RGS22: variants seen among roughly 807,000 people sequenced by gnomAD.
RGS22 encodes the protein regulator of G protein signaling 22.
RGS22 carries 148 observed loss-of-function variants against 172.9 expected under a neutral mutation model. The observed-to-expected ratio is 0.86, with a 90% CI of 0.75 to 0.98. The LOEUF (loss-of-function observed/expected upper bound fraction) is 0.98. Among genes scored for constraint, RGS22 ranks in the 50% least tolerant of loss-of-function variants. The pLI is 0.00. For missense variants in RGS22, 1,347 were observed against 1,440.8 expected (o/e 0.93, Z 1.05); for synonymous variants, 458 against 480.2 (o/e 0.95, Z 0.60).
At chr8:99,993,702 A>G (rs1814017662) in intron 20 of RGS22, among the ~76,000 whole-genome samples, 1 of 152,248 alleles carries the variant, frequency 6.6e-6, no homozygotes, top group Admixed American at 6.5e-5. Flanking sequence ...AGGAGTTGGT[A>G]CCATTCCTTC....
At chr8:100,049,935 G>C (rs1019241064) in intron 10 of RGS22, among the ~76,000 whole-genome samples, 2 of 151,864 alleles carry the variant, frequency 1.3e-5, no homozygotes, top group African/African-American at 4.8e-5. Context: ...TGTAGTACCA[G>C]CTACTTGGGA....
chr8:100,077,599 A>G (rs1563707108), intron 4 of RGS22, among the ~76,000 whole-genome samples: 1 of 152,202 alleles, frequency 6.6e-6, no homozygotes, highest in Non-Finnish European at 1.5e-5. Flanking sequence ...CAAGATTTCA[A>G]ATCTTTTAAG....
chr8:100,051,515 ATATTTT>A, intron 10 of RGS22, among the ~76,000 whole-genome samples: 1 of 97,376 alleles, frequency 1.0e-5, no homozygotes, highest in Non-Finnish European at 1.9e-5. Context: ...ATATATAAAT[ATATTTT>A]TATATATTTA....
chr8:100,067,463 C>A (rs1810612484), intron 6 of RGS22, among the ~76,000 whole-genome samples: 2 of 151,812 alleles, frequency 1.3e-5, no homozygotes, highest in South Asian at 4.2e-4. Context: ...AAGCAGGAGG[C>A]CAAAATAATT....
intron 18 of RGS22, among the ~76,000 whole-genome samples, 165 bp from the exon 19 acceptor site, chr8:99,999,585 A>G (rs545970487): frequency 6.6e-6 from 1 of 152,328 alleles, no homozygotes; most frequent in South Asian, 2.1e-4. Context: ...TAATTCCCCT[A>G]AAATCAGACA....
Position 100,048,442 on chromosome 8 carries a change from T to C in RGS22, c.1690-846A>G, listed in dbSNP as rs547614893. 2.0e-5 allele frequency among the ~76,000 whole-genome samples: 3 copies of C among 152,256 alleles called. No individual in the cohort carries two copies. In the East Asian group the frequency reaches 5.8e-4, roughly 29 times the overall value. On this transcript the variant is annotated intron_variant, in intron 10 of 27. Coordinates refer to ENST00000360863, the MANE Select transcript of RGS22 (RefSeq NM_015668.5). ...AAATTTACAGTAGTTTTATTATTTT[T>C]ATAATTTCAAAAACAAACATACAAA...
chr8:99,966,861 C>T (rs1336241540), intron 23 of RGS22, among the ~76,000 whole-genome samples: 2 of 152,216 alleles, frequency 1.3e-5, no homozygotes, highest in Admixed American at 6.5e-5. Context: ...TTACTGCCTT[C>T]TATCCCCAGC....
rs368285228 is a variant in RGS22, at chr8:100,051,711, A to ATTT, written c.1689+1090_1689+1091insAAA. ...TATATATTTATATATACGTATATAT[A>ATTT]AATATATATTTATATATACGTATAT... On this transcript the variant is annotated intron_variant, in intron 10 of 27. Transcript: ENST00000360863. 9.0e-3 allele frequency among the ~76,000 whole-genome samples: 143 copies of ATTT among 15,928 alleles called. 51 individuals carry two copies. The highest frequency in any genetic ancestry group is 0.057 in the African/African-American group (132 of 2,324). The allele number at this position is 15,928 out of a possible 152,430, so 10.4% of individuals were successfully genotyped here. A position where few individuals can be genotyped will look rare whatever the true frequency, so the allele number is the denominator to read the frequency against.
chr8:100,005,225 TA>T (rs970574175), intron 16 of RGS22, among the ~76,000 whole-genome samples: 22 of 151,706 alleles, frequency 1.5e-4, no homozygotes, highest in African/African-American at 3.1e-4. Context: ...GAAGAAAGTT[TA>T]AAAAAAAATC....
At chr8:100,015,050 T>A (rs1816799959) in intron 14 of RGS22, among the ~76,000 whole-genome samples, 1 of 152,332 alleles carries the variant, frequency 6.6e-6, no homozygotes, top group South Asian at 2.1e-4. Context: ...AGTGGATGAA[T>A]GGAAGACTTC....
At chr8:100,018,020 GAA>G (rs149169385) in intron 14 of RGS22, among the ~76,000 whole-genome samples, 210 of 152,252 alleles carry the variant, frequency 1.4e-3, no homozygotes, top group African/African-American at 4.6e-3. Flanking sequence ...AACCCAGCAG[GAA>G]AGTTTTTGAG....
At chr8:99,963,402 A>G (rs181677779) in intron 24 of RGS22, among the ~76,000 whole-genome samples, 106 of 152,246 alleles carry the variant, frequency 7.0e-4, no homozygotes, top group African/African-American at 2.2e-3. Flanking sequence ...TATATATTCA[A>G]TTTGATTGTA....
intron 4 of RGS22, among the ~76,000 whole-genome samples, chr8:100,076,126 C>A (rs551695629): frequency 6.6e-6 from 1 of 152,208 alleles, no homozygotes; most frequent in East Asian, 1.9e-4. Flanking sequence ...AGATACACAT[C>A]CTTATAAAAT....
intron 15 of RGS22, among the ~76,000 whole-genome samples, 186 bp downstream of exon 15, chr8:100,008,189 C>T (rs193208623): frequency 6.6e-6 from 1 of 151,968 alleles, no homozygotes; most frequent in Non-Finnish European, 1.5e-5. Context: ...AGGCGCCCAC[C>T]ACCACGCCTG....
chr8:100,075,056 C>T (rs1274566416), intron 4 of RGS22, among the ~76,000 whole-genome samples: 1 of 152,172 alleles, frequency 6.6e-6, no homozygotes, highest in Non-Finnish European at 1.5e-5. Flanking sequence ...AGGTGTGAGC[C>T]ACCGCGCCTG....
intron 14 of RGS22, among the ~76,000 whole-genome samples, chr8:100,025,003 T>TATAAATAAATAAATAA (rs71572051): frequency 9.5e-4 from 140 of 147,346 alleles, no homozygotes; most frequent in African/African-American, 3.2e-3. Context: ...AAAGAGGATC[T>TATAAATAAATAAATAA]ATAAATAAAT....
At chr8:100,005,739 A>G (rs1274200109) in intron 16 of RGS22, among the ~76,000 whole-genome samples, 5 of 152,204 alleles carry the variant, frequency 3.3e-5, no homozygotes, top group Non-Finnish European at 7.3e-5. Flanking sequence ...GAGGAATATA[A>G]CACAGTTGAA....
intron 10 of RGS22, among the ~76,000 whole-genome samples, chr8:100,049,174 T>C (rs1363017973): frequency 6.6e-6 from 1 of 152,178 alleles, no homozygotes; most frequent in African/African-American, 2.4e-5. Context: ...CACAGTGGAT[T>C]GTAGCAGAGG....
chr8:100,008,149 T>C (rs758101817), intron 15 of RGS22, among the ~76,000 whole-genome samples: 7 of 152,020 alleles, frequency 4.6e-5, no homozygotes, highest in Non-Finnish European at 1.0e-4. Context: ...GCAATTCTCC[T>C]GCCTCAGACT....
Sources: allele counts gnomAD v4.1 joint callset (sites outside exome capture counted in the v4.1 genomes callset), GRCh38; gene constraint gnomAD v4.1.1; transcripts MANE v1.5; gene names NCBI Gene and HGNC (gene_info 2026-07-23, HGNC 2026-07-21).